Variants in GALNT13 observed in about 807,000 individuals in gnomAD.
GALNT13 encodes UDP-GalNAc:polypeptide N-acetylgalactosaminyltransferase 13.
Under a neutral mutation model 64.2 loss-of-function variants are expected in GALNT13, and 28 were observed. The ratio of observed to expected loss-of-function variants is 0.44; its 90% CI spans 0.32 to 0.60. The LOEUF (loss-of-function observed/expected upper bound fraction) is 0.60. Among genes scored for constraint, GALNT13 ranks in the 20% least tolerant of loss-of-function variants. The pLI is 0.05. For synonymous variants in GALNT13, 214 were observed against 224.6 expected (o/e 0.95, Z 0.42); for missense variants, 577 against 669.8 (o/e 0.86, Z 1.53).
At chr2:153,759,409 T>G in the GALNT13 span, among the ~76,000 whole-genome samples, 2 of 152,172 alleles carry the variant, frequency 1.3e-5, no homozygotes, top group South Asian at 4.1e-4. Flanking sequence ...TTGCCATTGT[T>G]TTCATCATTA....
At chr2:153,671,099 A>T in the GALNT13 span, among the ~76,000 whole-genome samples, 1 of 152,210 alleles carries the variant, frequency 6.6e-6, no homozygotes. Flanking sequence ...AGTGACGGGG[A>T]GAATGGAACC....
the GALNT13 span, among the ~76,000 whole-genome samples, chr2:153,094,557 C>T: frequency 6.6e-6 from 1 of 152,030 alleles, no homozygotes; most frequent in Non-Finnish European, 1.5e-5. Flanking sequence ...CATATGGAAC[C>T]AAAAAAGAGC....
chr2:154,388,310 C>G (rs192112830), intron 9 of GALNT13, among the ~76,000 whole-genome samples: 2 of 152,194 alleles, frequency 1.3e-5, no homozygotes, highest in East Asian at 3.9e-4. Flanking sequence ...AGATTTTAAT[C>G]CCTTATCAGA....
At chr2:154,312,983 G>T (rs1694129010) in intron 9 of GALNT13, among the ~76,000 whole-genome samples, 1 of 151,848 alleles carries the variant, frequency 6.6e-6, no homozygotes, top group Non-Finnish European at 1.5e-5. Flanking sequence ...TCATGAAATA[G>T]AACTAATAAG....
the GALNT13 span, among the ~76,000 whole-genome samples, chr2:153,774,656 G>A: frequency 6.6e-6 from 1 of 152,130 alleles, no homozygotes; most frequent in Non-Finnish European, 1.5e-5. Context: ...AGAAGTTTGG[G>A]AGGCTGAGGC....
the GALNT13 span, among the ~76,000 whole-genome samples, chr2:153,392,730 C>A: frequency 6.6e-6 from 1 of 152,004 alleles, no homozygotes; most frequent in African/African-American, 2.4e-5. Context: ...CTCCCCAGTT[C>A]AGTCACCTGC....
intron 3 of GALNT13, among the ~76,000 whole-genome samples, chr2:153,951,900 A>G (rs751429806): frequency 2.6e-4 from 40 of 152,238 alleles, no homozygotes; most frequent in Admixed American, 5.2e-4. Flanking sequence ...TTATTGAATG[A>G]TGTTGTAAAA....
At chr2:153,847,889 A>T in the GALNT13 span, among the ~76,000 whole-genome samples, 1 of 152,108 alleles carries the variant, frequency 6.6e-6, no homozygotes, top group African/African-American at 2.4e-5. Flanking sequence ...ATTTTACCTA[A>T]AGGTTCAGCT....
At chr2:154,416,916 A>G (rs1700032631) in intron 11 of GALNT13, among the ~76,000 whole-genome samples, 1 of 152,170 alleles carries the variant, frequency 6.6e-6, no homozygotes, top group Non-Finnish European at 1.5e-5. Flanking sequence ...GCTTGCAGCC[A>G]TTGTTTCAAA....
intron 9 of GALNT13, 53 bp downstream of exon 9, chr2:154,301,642 A>C: frequency 8.7e-7 from 1 of 1,150,800 alleles, no homozygotes; most frequent in Non-Finnish European, 1.3e-6. Context: ...AAATTGAAAC[A>C]TACTGAATAT....
chr2:153,848,718 T>C, the GALNT13 span, among the ~76,000 whole-genome samples: 8 of 152,090 alleles, frequency 5.3e-5, no homozygotes, highest in Non-Finnish European at 8.8e-5. Flanking sequence ...TTTATAAAAA[T>C]ATACAAACTT....
chr2:153,074,996 G>T, the GALNT13 span, among the ~76,000 whole-genome samples: 2 of 152,278 alleles, frequency 1.3e-5, no homozygotes, highest in East Asian at 3.9e-4. Flanking sequence ...GCCTCCCAAA[G>T]TGCTGGGATT....
intron 2 of GALNT13, among the ~76,000 whole-genome samples, chr2:153,937,107 A>G (rs1690991923): frequency 6.6e-6 from 1 of 152,206 alleles, no homozygotes; most frequent in Admixed American, 6.5e-5. Flanking sequence ...GACATAGCAT[A>G]TGATCAAGCA....
At chr2:153,631,619 G>C in the GALNT13 span, among the ~76,000 whole-genome samples, 1 of 152,206 alleles carries the variant, frequency 6.6e-6, no homozygotes, top group Non-Finnish European at 1.5e-5. Flanking sequence ...CTTTTGAGAA[G>C]TGTCTGTTCA....
chr2:153,662,461 T>C, the GALNT13 span, among the ~76,000 whole-genome samples: 2 of 152,338 alleles, frequency 1.3e-5, no homozygotes, highest in Non-Finnish European at 2.9e-5. Flanking sequence ...GATGGCAGAT[T>C]CATTTCTGTA....
chr2:153,478,196 G>T, the GALNT13 span: 46 of 1,528,750 alleles, frequency 3.0e-5, no homozygotes, highest in Non-Finnish European at 3.8e-5. Context: ...TAGCAAAGTG[G>T]GCAGGCGTGG....
intron 11 of GALNT13, among the ~76,000 whole-genome samples, chr2:154,417,163 A>C (rs1443865871): frequency 6.6e-6 from 1 of 151,304 alleles, no homozygotes; most frequent in Non-Finnish European, 1.5e-5. Flanking sequence ...TACTACAATA[A>C]TTTTCAGTGT....
the GALNT13 span, among the ~76,000 whole-genome samples, chr2:153,619,384 G>A: frequency 1.3e-5 from 2 of 151,902 alleles, no homozygotes; most frequent in Non-Finnish European, 2.9e-5. Context: ...ACAAGTTATT[G>A]TAGCTATTAT....
intron 3 of GALNT13, among the ~76,000 whole-genome samples, chr2:154,001,702 A>G (rs1695921569): frequency 6.6e-6 from 1 of 152,050 alleles, no homozygotes; most frequent in Non-Finnish European, 1.5e-5. Flanking sequence ...AGTGGTTTAC[A>G]GGCCACAATT....
Sources: gnomAD v4.1 joint callset for allele counts (sites outside exome capture counted in the v4.1 genomes callset) on GRCh38, gnomAD v4.1.1 for gene constraint, MANE v1.5 for transcripts, NCBI Gene and HGNC (gene_info 2026-07-23, HGNC 2026-07-21) for gene names.